Variants in CIITA observed in about 807,000 individuals in gnomAD.
CIITA encodes class II major histocompatibility complex transactivator.
CIITA carries 72 observed loss-of-function variants against 115.1 expected under a neutral mutation model. That is an observed-to-expected ratio of 0.63 (90% CI 0.52 to 0.76). The LOEUF (loss-of-function observed/expected upper bound fraction) is 0.76, where lower values mean the gene tolerates loss of function less well. Ranked by LOEUF, CIITA falls within the 30% of genes least tolerant of loss-of-function variation. The pLI, the probability that CIITA is intolerant of heterozygous loss-of-function variation, is 0.00. For missense variants in CIITA, 1,617 were observed against 1,463.8 expected (o/e 1.10, Z -1.71); for synonymous variants, 763 against 635.6 (o/e 1.20, Z -3.02).
At position 10,931,525 on chromosome 16, in the gene CIITA, T is replaced by C. The variant is rs770037855; in HGVS notation, c.*7670T>C. 2.0e-5 allele frequency: 3 copies of C among 152,226 alleles called. No individual in the cohort carries two copies. Among genetic ancestry groups the C allele is most frequent in the Non-Finnish European group, 4.4e-5 (3 of 68,040 alleles). 9.4% of individuals were successfully genotyped at this position (152,226 alleles called of 1,614,324 possible). ...AGGGTTACCTTCTATTTATAGCAAG[T>C]GATGCCAAGTTTCCATTTCTGGTAG... On this transcript the variant is annotated 3_prime_UTR_variant, in exon 20 of 20. Transcript: ENST00000324288.
rs948167896 is a variant in CIITA at position 10,916,560 on chromosome 16, C to T, written c.3062+101C>T. Reference sequence around the variant, plus strand: ...ATTTGTTTTTTTAGACAAGGGCTCGCTGTGTCACCCAGGCTAGAATATAGT... The same window carrying T: ...ATTTGTTTTTTTAGACAAGGGCTCGTTGTGTCACCCAGGCTAGAATATAGT... On this transcript the variant is annotated intron_variant, in intron 15 of 19. Transcript: ENST00000324288. The T allele has an allele frequency of 4.1e-6, 4 of 976,186 alleles. No homozygotes were observed. The African/African-American group carries it at 4.8e-5, about 12-fold the overall frequency. The allele number at this position is 976,186 out of a possible 1,614,324, so 60.5% of individuals were successfully genotyped here. A position where few individuals can be genotyped will look rare whatever the true frequency, so the allele number is the denominator to read the frequency against.
At chr16:10,909,314 C>G (rs1384637345) in intron 12 of CIITA, 127 bp downstream of exon 12, 11 of 985,908 alleles carry the variant, frequency 1.1e-5, no homozygotes, top group Non-Finnish European at 1.7e-5. Flanking sequence ...TGCCCTCTTT[C>G]TGGGCAATGG....
rs1288901689 is a variant in CIITA at position 10,925,786 on chromosome 16, G to A, written c.*1931G>A. The A allele has an allele frequency of 5.3e-5, 8 of 152,218 alleles. No individual in the cohort carries two copies. Among genetic ancestry groups the A allele is most frequent in the African/African-American group, 1.9e-4 (8 of 41,446 alleles). 9.4% of individuals were successfully genotyped at this position (152,218 alleles called of 1,614,324 possible). Reference sequence around the variant, plus strand: ...CTCTTTTCTGAGAGGACTTTTCTTTGTGGCTTCCTAAAATTCAGTGGAAAA... The same window carrying A: ...CTCTTTTCTGAGAGGACTTTTCTTTATGGCTTCCTAAAATTCAGTGGAAAA... On this transcript the variant is annotated 3_prime_UTR_variant, in exon 20 of 20. Transcript: ENST00000324288.
chr16:10,910,892 T>C (rs574796348), intron 13 of CIITA, among the ~76,000 whole-genome samples: 1 of 152,246 alleles, frequency 6.6e-6, no homozygotes, highest in Non-Finnish European at 1.5e-5. Flanking sequence ...GCTTTTGATG[T>C]GCAGCTAGGA....
Position 10,942,243 on chromosome 16 carries a change from G to A in CIITA, n.1369G>A. 2.7e-6 allele frequency: 1 copy of A among 368,630 alleles called. No individual in the cohort carries two copies. Among genetic ancestry groups the A allele is most frequent in the Non-Finnish European group, 4.9e-6 (1 of 205,812 alleles). 22.8% of individuals were successfully genotyped at this position (368,630 alleles called of 1,614,324 possible). A position where few individuals can be genotyped will look rare whatever the true frequency, so the allele number is the denominator to read the frequency against. On this transcript the variant is annotated non_coding_transcript_exon_variant, in exon 2 of 2. Coordinates refer to the CIITA transcript ENST00000573379. This position sits in a 1 kb window ranked among gnomAD's most constrained non-coding sequence, Gnocchi z 5.0. The stretch of plus-strand genomic sequence containing the variant: ...CTCTCGACCGCCCGGGCGGCGAGGC[G>A]GGCCCCCCTGAAGTGGCCCGCGGCT...
chr16:10,870,169 CAAAAAAAAAAAAAA>C (rs34256366), intron 1 of CIITA, among the ~76,000 whole-genome samples: 5 of 46,284 alleles, frequency 1.1e-4, no homozygotes, highest in South Asian at 2.1e-3. Context: ...GTACTTCCTG[CAAAAAAAAAAAAAA>C]AAAAAAAAAA....
rs529824055 is a variant in CIITA, at chr16:10,879,379, C to A, written c.52+1997C>A. 6.6e-6 allele frequency among the ~76,000 whole-genome samples: 1 copy of A among 152,020 alleles called. No individual in the cohort carries two copies. Among genetic ancestry groups the A allele is most frequent in the Non-Finnish European group, 1.5e-5 (1 of 67,984 alleles). On this transcript the variant is annotated intron_variant, in intron 1 of 19. Coordinates refer to ENST00000324288, the MANE Select transcript of CIITA (RefSeq NM_000246.4). The surrounding 1 kb of genome is among the most constrained non-coding windows in gnomAD (Gnocchi z 4.3). ...CACTCCCCCGGCCACCCTTGGCCGA[C>A]TCCGCGCGCCCGGGATCCTGCAGAG...
chr16:10,874,115 C>A (rs932218946), upstream of CIITA, among the ~76,000 whole-genome samples: 2 of 152,116 alleles, frequency 1.3e-5, no homozygotes, highest in Non-Finnish European at 2.9e-5. Context: ...TCCCAAGTAA[C>A]TGGGATTACA....
intron 13 of CIITA, among the ~76,000 whole-genome samples, chr16:10,914,440 A>G (rs552906278): frequency 6.6e-6 from 1 of 152,324 alleles, no homozygotes; most frequent in South Asian, 2.1e-4. Context: ...TTTAATGTTT[A>G]TCAAGGATGC....
rs987518441 is a variant in CIITA, at chr16:10,923,383, T to A, written c.*22+58T>A. On this transcript the variant is annotated intron_variant, in intron 19 of 19. Coordinates refer to ENST00000324288, the MANE Select transcript of CIITA (RefSeq NM_000246.4). The surrounding 1 kb of genome is among the most constrained non-coding windows in gnomAD (Gnocchi z 5.2). ...CAGTGGGTTGGGGGCAGTGTCCTTG[T>A]GAAGGTGGCATTCAAAAAATGTGGG... The A allele has an allele frequency of 1.2e-5, 16 of 1,370,804 alleles. No homozygotes were observed. In the East Asian group the frequency reaches 1.4e-4, roughly 12 times the overall value. 84.9% of individuals were successfully genotyped at this position (1,370,804 alleles called of 1,614,324 possible).
At chr16:10,885,123 G>A (rs2036809820) in intron 1 of CIITA, among the ~76,000 whole-genome samples, 1 of 152,012 alleles carries the variant, frequency 6.6e-6, no homozygotes, top group Non-Finnish European at 1.5e-5. Flanking sequence ...ACATTGTGAT[G>A]GTGATTTAGA....
chr16:10,903,706 A>T, intron 8 of CIITA, 25 bp from the exon 9 acceptor site: 2 of 1,613,774 alleles, frequency 1.2e-6, no homozygotes, highest in Non-Finnish European at 1.7e-6. Context: ...GGTTATTCTC[A>T]CACCACTCTC....
At chr16:10,939,967 T>A (rs944943718), downstream of CIITA, 9 of 152,424 alleles carry the variant, frequency 5.9e-5, no homozygotes, top group Non-Finnish European at 1.2e-4. The surrounding 1 kb of genome is among the most constrained non-coding windows in gnomAD (Gnocchi z 4.9). Flanking sequence ...GACGGATGGA[T>A]GGCAGGCAGG....
intron 1 of CIITA, among the ~76,000 whole-genome samples, chr16:10,893,898 T>C (rs116861948): frequency 0.028 from 4,003 of 144,948 alleles, 71 homozygotes; most frequent in Non-Finnish European, 0.04. Context: ...ATCCCCACAG[T>C]CAATTTTAGC....
At chr16:10,871,487 C>G (rs570429201) in intron 1 of CIITA, among the ~76,000 whole-genome samples, 9 of 152,274 alleles carry the variant, frequency 5.9e-5, no homozygotes, top group South Asian at 4.1e-4. Context: ...GATTTCATTG[C>G]GTGACATTTT....
At chr16:10,880,573 G>T (rs1016527042) in intron 1 of CIITA, among the ~76,000 whole-genome samples, 1 of 152,220 alleles carries the variant, frequency 6.6e-6, no homozygotes, top group Non-Finnish European at 1.5e-5. Context: ...GCAGCAAGCA[G>T]ATGTGAACCT....
chr16:10,905,138 A>T (rs13332669), intron 10 of CIITA, among the ~76,000 whole-genome samples: 9,646 of 152,280 alleles, frequency 0.063, 386 homozygotes, highest in Middle Eastern at 0.12. Context: ...TGAGGATGGG[A>T]GCAATGGAAA....
chr16:10,908,833 G>GA (rs2039356747), intron 11 of CIITA, 196 bp from the exon 12 acceptor site: 2 of 754,984 alleles, frequency 2.6e-6, no homozygotes, highest in Middle Eastern at 3.8e-4. Flanking sequence ...AAAAGGGAAA[G>GA]AAAACCACTG....
Position 10,901,360 on chromosome 16 carries a change from G to A in CIITA, c.437-154G>A, listed in dbSNP as rs1035989785. Among the ~76,000 whole-genome samples the A allele has an allele frequency of 5.3e-5, 8 of 152,140 alleles. No individual in the cohort carries two copies. Among genetic ancestry groups the A allele is most frequent in the African/African-American group, 1.9e-4 (8 of 41,432 alleles). The stretch of plus-strand genomic sequence containing the variant: ...GGGTTTGGGTTCAAGCCAAGGAGCT[G>A]GGGTTGGAATGTTAGAGCGAGGGGA... On this transcript the variant is annotated intron_variant, in intron 5 of 19. Coordinates refer to ENST00000324288, the MANE Select transcript of CIITA (RefSeq NM_000246.4). This position sits in a 1 kb window ranked among gnomAD's most constrained non-coding sequence, Gnocchi z 6.8.
Sources: gnomAD v4.1 joint callset for allele counts (sites outside exome capture counted in the v4.1 genomes callset) on GRCh38, gnomAD v4.1.1 for gene constraint, Gnocchi (gnomAD v3.1) non-coding constraint, MANE v1.5 for transcripts, NCBI Gene and HGNC (gene_info 2026-07-23, HGNC 2026-07-21) for gene names.